CTNNBIP1: variants seen among roughly 807,000 people sequenced by gnomAD.
The protein encoded by CTNNBIP1 is catenin beta interacting protein 1.
In CTNNBIP1, 7 loss-of-function variants were observed where a neutral mutation model predicts 11.8. That is an observed-to-expected ratio of 0.60 (90% CI 0.34 to 1.12). The LOEUF (loss-of-function observed/expected upper bound fraction) is 1.12, where lower values mean the gene tolerates loss of function less well. Ranked by LOEUF, CTNNBIP1 falls within the 50% of genes most tolerant of loss-of-function variation. The pLI, the probability that CTNNBIP1 is intolerant of heterozygous loss-of-function variation, is 0.03. For synonymous variants in CTNNBIP1, 58 were observed against 43.9 expected, an observed-to-expected ratio of 1.32 and a Z score of -1.26; for missense variants, 101 against 113.4, an observed-to-expected ratio of 0.89 and a Z score of 0.50.
chr1:9,855,643 GA>G (rs1638485670), intron 5 of CTNNBIP1, among the ~76,000 whole-genome samples: 1 of 151,062 alleles, frequency 6.6e-6, no homozygotes, highest in Admixed American at 6.6e-5. Flanking sequence ...ATGGATAAAT[GA>G]CCTAAATACA....
chr1:9,875,681 G>A (rs1638953225), intron 3 of CTNNBIP1, among the ~76,000 whole-genome samples: 1 of 152,224 alleles, frequency 6.6e-6, no homozygotes, highest in South Asian at 2.1e-4. Context: ...TCTAAAAAGC[G>A]TGGTCATGGA....
intron 1 of CTNNBIP1, among the ~76,000 whole-genome samples, chr1:9,892,317 G>T (rs1639320538): frequency 6.6e-6 from 1 of 152,042 alleles, no homozygotes; most frequent in Non-Finnish European, 1.5e-5. Flanking sequence ...AGCTACTCGG[G>T]AGGCTGAGGC....
At chr1:9,902,860 C>A (rs1223042955) in intron 1 of CTNNBIP1, among the ~76,000 whole-genome samples, 2 of 152,042 alleles carry the variant, frequency 1.3e-5, no homozygotes, top group East Asian at 3.9e-4. Context: ...CCGCCTCCAG[C>A]GTTCAAGCAA....
At chr1:9,869,126 A>G (rs6683824) in intron 5 of CTNNBIP1, among the ~76,000 whole-genome samples, 18,188 of 151,572 alleles carry the variant, frequency 0.12, 3,006 homozygotes, top group African/African-American at 0.36. Context: ...CAGCCTCCCT[A>G]GTAGCTAGGA....
In CTNNBIP1 at chr1:9,850,754, C is replaced by T. The variant is rs533893118; in HGVS notation, c.210G>A (p.Ala70=). The T allele has an allele frequency of 2.2e-5, 35 of 1,613,918 alleles. No homozygotes were observed. In the South Asian group the frequency reaches 3.3e-4, roughly 15 times the overall value. ...GGTCTTCCGTCTCCGACCTGGAAAACGCCATCACCACGTCCTCTGCACCTG... is the reference window on the plus strand; with the variant it reads ...GGTCTTCCGTCTCCGACCTGGAAAATGCCATCACCACGTCCTCTGCACCTG... ...IDQGAEDVVM[A]FSRSETEDRR... The change falls in exon 6 of 6, where the codon GCG becomes GCA. Residue 70 remains alanine, a synonymous_variant. Transcript: ENST00000377263.
intron 5 of CTNNBIP1, 64 bp from the exon 6 acceptor site, chr1:9,850,840 C>A: frequency 6.6e-7 from 1 of 1,519,672 alleles, no homozygotes; most frequent in Non-Finnish European, 9.1e-7. Context: ...ACAGGACAAG[C>A]AAGGAGGCTG....
intron 1 of CTNNBIP1, among the ~76,000 whole-genome samples, chr1:9,893,763 C>G (rs577477394): frequency 3.9e-5 from 6 of 152,130 alleles, no homozygotes; most frequent in Non-Finnish European, 8.8e-5. Context: ...TGTTAAAAAA[C>G]GAAAACAAAA....
At position 9,871,374 on chromosome 1, in the gene CTNNBIP1, TGC is replaced by T; in HGVS notation, c.97-99_97-98del. On this transcript the variant is annotated intron_variant, in intron 4 of 5. Coordinates refer to ENST00000377263, the MANE Select transcript of CTNNBIP1 (RefSeq NM_020248.3). This position sits in a 1 kb window ranked among gnomAD's most constrained non-coding sequence, Gnocchi z 5.2. ...GCACCGCCTAGGCCTGCTTGGTCCC[TGC>T]TTGGTCCCTGCTCGGGCTTCTGTTT... 2 of 904,720 alleles carry T rather than the reference TGC, an allele frequency of 2.2e-6. No homozygotes were observed. The highest frequency in any genetic ancestry group is 5.3e-5 in the East Asian group (2 of 37,804). The allele number at this position is 904,720 out of a possible 1,614,324, so 56.0% of individuals were successfully genotyped here. A position where few individuals can be genotyped will look rare whatever the true frequency, so the allele number is the denominator to read the frequency against.
At chr1:9,882,257 C>A (rs1286869476) in intron 2 of CTNNBIP1, among the ~76,000 whole-genome samples, 1 of 152,176 alleles carries the variant, frequency 6.6e-6, no homozygotes, top group Non-Finnish European at 1.5e-5. Context: ...AATTACTGAG[C>A]ATCTATTCTA....
chr1:9,906,915 A>T (rs776678642), intron 1 of CTNNBIP1, among the ~76,000 whole-genome samples: 3 of 152,250 alleles, frequency 2.0e-5, no homozygotes, highest in Non-Finnish European at 4.4e-5. Flanking sequence ...CCCAGTAGAG[A>T]TTCTGGCCTC....
chr1:9,852,828 G>A (rs1222389361), intron 5 of CTNNBIP1, among the ~76,000 whole-genome samples: 2 of 152,234 alleles, frequency 1.3e-5, no homozygotes, highest in Non-Finnish European at 2.9e-5. Context: ...TCTGTAGTGA[G>A]CTGCAGGCAC....
At chr1:9,879,261 TCCGCTG>T (rs1639034461) in intron 2 of CTNNBIP1, among the ~76,000 whole-genome samples, 1 of 152,162 alleles carries the variant, frequency 6.6e-6, no homozygotes, top group South Asian at 2.1e-4. Context: ...CACAGGGCTC[TCCGCTG>T]TCAGCCCTGT....
intron 1 of CTNNBIP1, among the ~76,000 whole-genome samples, chr1:9,892,759 G>A (rs1433833178): frequency 6.6e-6 from 1 of 152,110 alleles, no homozygotes; most frequent in Non-Finnish European, 1.5e-5. Context: ...CATCACGTGA[G>A]CCACACTGCT....
At chr1:9,855,568 G>C (rs1459573091) in intron 5 of CTNNBIP1, among the ~76,000 whole-genome samples, 1 of 152,024 alleles carries the variant, frequency 6.6e-6, no homozygotes, top group Non-Finnish European at 1.5e-5. Flanking sequence ...GGGACAACTG[G>C]ATATTCACAT....
chr1:9,908,439 C>T (rs1639664290), intron 1 of CTNNBIP1, among the ~76,000 whole-genome samples: 1 of 147,298 alleles, frequency 6.8e-6, no homozygotes, highest in South Asian at 2.2e-4. Flanking sequence ...AGTGGCGTGA[C>T]CTCGGCTCAC....
At chr1:9,866,303 C>T (rs1638743216) in intron 5 of CTNNBIP1, among the ~76,000 whole-genome samples, 1 of 152,222 alleles carries the variant, frequency 6.6e-6, no homozygotes, top group Non-Finnish European at 1.5e-5. Flanking sequence ...CATGGCCATT[C>T]ACTATGGCCC....
chr1:9,895,935 G>C (rs1639400257), intron 1 of CTNNBIP1, among the ~76,000 whole-genome samples: 1 of 152,034 alleles, frequency 6.6e-6, no homozygotes, highest in African/African-American at 2.4e-5. Context: ...ACCTTCCCAA[G>C]GAATTTAATA....
At chr1:9,907,864 A>G (rs1364975719) in intron 1 of CTNNBIP1, among the ~76,000 whole-genome samples, 2 of 152,162 alleles carry the variant, frequency 1.3e-5, no homozygotes, top group African/African-American at 2.4e-5. Context: ...AGTCTGTCTC[A>G]TAACTGGTAT....
intron 1 of CTNNBIP1, among the ~76,000 whole-genome samples, chr1:9,894,100 G>C (rs12073123): frequency 7.2e-5 from 11 of 151,918 alleles, no homozygotes; most frequent in Non-Finnish European, 2.9e-5. Flanking sequence ...CCAAAGCCAC[G>C]GAAGAGCTAA....
Sources: allele counts gnomAD v4.1 joint callset (sites outside exome capture counted in the v4.1 genomes callset), GRCh38; gene constraint gnomAD v4.1.1; non-coding constraint Gnocchi (gnomAD v3.1); transcripts MANE v1.5; gene names NCBI Gene and HGNC (gene_info 2026-07-23, HGNC 2026-07-21).